Variants in NRG1 observed in about 807,000 individuals in gnomAD.
The protein encoded by NRG1 is neuregulin 1, also known as pro-neuregulin-1, membrane-bound isoform.
In NRG1, 18 loss-of-function variants were observed where a neutral mutation model predicts 63.8. The ratio of observed to expected loss-of-function variants is 0.28; its 90% confidence interval spans 0.19 to 0.42. NRG1 has a LOEUF of 0.42. Ranked by LOEUF, NRG1 falls within the 10% of genes least tolerant of loss-of-function variation. The pLI is 1.00. For synonymous variants in NRG1, 302 were observed against 301.3 expected (o/e 1.00, Z -0.02); for missense variants, 762 against 814.7 (o/e 0.94, Z 0.79).
chr8:31,816,754 T>G (rs1013724996), intron 1 of NRG1, among the ~76,000 whole-genome samples: 2 of 152,200 alleles, frequency 1.3e-5, no homozygotes, highest in African/African-American at 4.8e-5. Flanking sequence ...GCTTGTACTA[T>G]TCTACTGGGA....
At chr8:32,075,099 C>T (rs528627307) in intron 1 of NRG1, among the ~76,000 whole-genome samples, 2 of 152,282 alleles carry the variant, frequency 1.3e-5, no homozygotes, top group East Asian at 1.9e-4. Context: ...CTATGTGTAA[C>T]GCACTAGAGC....
At chr8:31,824,344 G>A (rs2129604098) in intron 1 of NRG1, among the ~76,000 whole-genome samples, 1 of 152,204 alleles carries the variant, frequency 6.6e-6, no homozygotes, top group Non-Finnish European at 1.5e-5. Flanking sequence ...TCCCTACAAA[G>A]GACATGAACT....
intron 1 of NRG1, among the ~76,000 whole-genome samples, chr8:32,045,828 AT>A (rs1160169283): frequency 6.6e-6 from 1 of 152,034 alleles, no homozygotes; most frequent in Admixed American, 6.6e-5. Context: ...GTAGATTTAA[AT>A]GTAAAACACA....
chr8:32,646,291 G>A lies in NRG1; in HGVS notation c.502+29406G>A, dbSNP rs182961931. 8.5e-4 allele frequency among the ~76,000 whole-genome samples: 129 copies of A among 152,218 alleles called. 2 individuals carry two copies. The highest frequency in any genetic ancestry group is 3.5e-3 in the Admixed American group (54 of 15,290). On this transcript the variant is annotated intron_variant, in intron 5 of 11. Transcript: ENST00000356819. ...TTTCTCCCTGGGCATGACAAACAAAGTCTTACATAGTCATTGCAAAAAGGG... is the reference window on the plus strand; with the variant it reads ...TTTCTCCCTGGGCATGACAAACAAAATCTTACATAGTCATTGCAAAAAGGG...
At chr8:31,763,458 A>G (rs556933437) in intron 1 of NRG1, among the ~76,000 whole-genome samples, 16 of 152,308 alleles carry the variant, frequency 1.1e-4, no homozygotes, top group African/African-American at 3.8e-4. Flanking sequence ...TTGGGAGCAC[A>G]CTCCAAAGCA....
At chr8:31,684,957 G>A (rs1166288531) in intron 1 of NRG1, among the ~76,000 whole-genome samples, 3 of 152,126 alleles carry the variant, frequency 2.0e-5, no homozygotes, top group Non-Finnish European at 2.9e-5. Context: ...ATATCACAAG[G>A]TGCATGGAGT....
chr8:32,520,971 CT>C (rs779491118), intron 1 of NRG1, among the ~76,000 whole-genome samples: 18 of 152,184 alleles, frequency 1.2e-4, no homozygotes, highest in Non-Finnish European at 2.4e-4. Context: ...TTAAGCAACC[CT>C]TCATGTAATC....
intron 6 of NRG1, among the ~76,000 whole-genome samples, chr8:32,738,120 T>C (rs1326433455): frequency 5.3e-5 from 8 of 152,082 alleles, no homozygotes; most frequent in Non-Finnish European, 1.2e-4. Context: ...AATGTGATCA[T>C]TGTCTGACAG....
intron 1 of NRG1, among the ~76,000 whole-genome samples, chr8:31,803,785 G>GT (rs1364082698): frequency 6.6e-6 from 1 of 152,154 alleles, no homozygotes; most frequent in Non-Finnish European, 1.5e-5. Flanking sequence ...CTTGATCAGT[G>GT]TATCGCCTTT....
At chr8:31,918,105 G>T (rs909508402) in intron 1 of NRG1, among the ~76,000 whole-genome samples, 5 of 152,130 alleles carry the variant, frequency 3.3e-5, no homozygotes, top group Non-Finnish European at 7.4e-5. Context: ...ATTTTGGGCT[G>T]AGACAGTGGG....
chr8:32,625,795 C>CTT (rs1457757802), intron 5 of NRG1, among the ~76,000 whole-genome samples: 6 of 98,546 alleles, frequency 6.1e-5, no homozygotes, highest in Non-Finnish European at 1.1e-4. Context: ...TTTCTTTTTT[C>CTT]TTTTTTTTTT....
At chr8:32,594,489 A>T (rs1203862597) in intron 1 of NRG1, among the ~76,000 whole-genome samples, 1 of 152,218 alleles carries the variant, frequency 6.6e-6, no homozygotes, top group East Asian at 1.9e-4. Context: ...GATAAACAGA[A>T]TTAGACATAC....
At chr8:32,551,633 T>C (rs1018203383) in intron 1 of NRG1, among the ~76,000 whole-genome samples, 22 of 152,252 alleles carry the variant, frequency 1.4e-4, no homozygotes, top group Admixed American at 4.6e-4. Flanking sequence ...AACTAAATGT[T>C]GAATTGCACA....
intron 1 of NRG1, among the ~76,000 whole-genome samples, chr8:32,149,956 A>T (rs372897375): frequency 2.0e-4 from 31 of 152,340 alleles, no homozygotes; most frequent in African/African-American, 6.3e-4. Flanking sequence ...TCATCTAATA[A>T]TGCTGGTTTT....
chr8:32,121,324 G>A (rs2131551529), intron 1 of NRG1, among the ~76,000 whole-genome samples: 1 of 152,064 alleles, frequency 6.6e-6, no homozygotes, highest in South Asian at 2.1e-4. Context: ...GAAAAACACT[G>A]GGGCTTAAGT....
In NRG1 at chr8:31,774,376, G is replaced by C. The variant is rs116362939; in HGVS notation, c.37+134945G>C. ...CTTAGATCATAATATATATTTATTT[G>C]TTGGCTTATTTCCTGCCTTCCTGTC... On this transcript the variant is annotated intron_variant, in intron 1 of 10. Coordinates refer to the NRG1 transcript ENST00000519301. 1.3e-3 allele frequency among the ~76,000 whole-genome samples: 199 copies of C among 151,862 alleles called. 2 individuals are homozygous for C. The highest frequency in any genetic ancestry group is 4.5e-3 in the African/African-American group (185 of 41,388).
chr8:32,295,793 C>T (rs947015077), intron 1 of NRG1, among the ~76,000 whole-genome samples: 1 of 151,864 alleles, frequency 6.6e-6, no homozygotes, highest in Non-Finnish European at 1.5e-5. Context: ...ACTAAAGATA[C>T]AAAAAATTAG....
chr8:31,863,859 G>A (rs904235453), intron 1 of NRG1, among the ~76,000 whole-genome samples: 1 of 152,032 alleles, frequency 6.6e-6, no homozygotes, highest in African/African-American at 2.4e-5. Flanking sequence ...TAGCTTCATG[G>A]GCATACCCAT....
At chr8:32,384,673 C>T (rs1810759612) in intron 1 of NRG1, among the ~76,000 whole-genome samples, 1 of 152,192 alleles carries the variant, frequency 6.6e-6, no homozygotes, top group Non-Finnish European at 1.5e-5. Context: ...ATTACAGATT[C>T]CCATGTAATA....
Sources: allele counts gnomAD v4.1 joint callset (sites outside exome capture counted in the v4.1 genomes callset), GRCh38; gene constraint gnomAD v4.1.1; transcripts MANE v1.5; gene names NCBI Gene and HGNC (gene_info 2026-07-23, HGNC 2026-07-21).